The following PRKCZ variants were observed in gnomAD, a reference collection of about 807,000 sequenced individuals.
The protein encoded by PRKCZ is protein kinase C zeta type.
PRKCZ carries 33 observed loss-of-function variants against 79.5 expected under a neutral mutation model. The ratio of observed to expected loss-of-function variants is 0.41; its 90% CI spans 0.31 to 0.55. PRKCZ has a LOEUF of 0.55. Ranked by LOEUF, PRKCZ falls within the 20% of genes least tolerant of loss-of-function variation. The probability of loss-of-function intolerance (pLI) is 0.19; values close to 1 mark genes in which losing one functional copy is unlikely to be tolerated. For synonymous variants in PRKCZ, 342 were observed against 320.9 expected, an observed-to-expected ratio of 1.07 and a Z score of -0.70; for missense variants, 578 against 813.5, an observed-to-expected ratio of 0.71 and a Z score of 3.52.
intron 1 of PRKCZ, chr1:2,051,076 T>C (rs1338079980): frequency 5.6e-6 from 1 of 177,058 alleles, no homozygotes; most frequent in African/African-American, 2.4e-5. Flanking sequence ...AATCAGCGTT[T>C]CCTAAACGTT....
chr1:2,059,257 A>G (rs766477739), intron 3 of PRKCZ, among the ~76,000 whole-genome samples: 11 of 152,264 alleles, frequency 7.2e-5, no homozygotes, highest in Non-Finnish European at 1.2e-4. Flanking sequence ...CCATTTTTAT[A>G]TAGTTTAAAA....
chr1:2,129,381 TCACGGTCAGAAAG>T (rs1370961508), intron 4 of PRKCZ, among the ~76,000 whole-genome samples: 1 of 152,064 alleles, frequency 6.6e-6, no homozygotes, highest in African/African-American at 2.4e-5. Context: ...CTCAGAACTG[TCACGGTCAGAAAG>T]CACGGTCAGA....
chr1:2,152,042 G>T (rs969118528), intron 9 of PRKCZ, among the ~76,000 whole-genome samples: 9 of 151,960 alleles, frequency 5.9e-5, no homozygotes, highest in African/African-American at 2.2e-4. Context: ...GTAGAGACGG[G>T]GTTCCACTAT....
intron 4 of PRKCZ, among the ~76,000 whole-genome samples, chr1:2,085,563 C>G (rs998869885): frequency 3.9e-5 from 6 of 152,226 alleles, no homozygotes; most frequent in Non-Finnish European, 7.3e-5. Flanking sequence ...AGAGCCCATG[C>G]AGCGCCACGC....
At chr1:2,118,599 A>G (rs2102801159) in intron 4 of PRKCZ, among the ~76,000 whole-genome samples, 5 of 152,196 alleles carry the variant, frequency 3.3e-5, no homozygotes, top group Middle Eastern at 6.8e-3. Flanking sequence ...GGCCTCCCAA[A>G]GTGCTGGGAT....
rs1684985003 is a variant in PRKCZ at position 2,174,085 on chromosome 1, G to A, written c.1405+69G>A. On this transcript the variant is annotated intron_variant, in intron 14 of 17. Transcript: ENST00000378567. This position sits in a 1 kb window ranked among gnomAD's most constrained non-coding sequence, Gnocchi z 6.2. The stretch of plus-strand genomic sequence containing the variant: ...GTCTTCCTTCCTTTTCAAAGGTGCA[G>A]GTGGAGGGGTCCCGCGGGTGCCTGG... 1 of 1,500,948 alleles carries A rather than the reference G, an allele frequency of 6.7e-7. No individual in the cohort carries two copies. The highest frequency in any genetic ancestry group is 2.1e-5 in the Admixed American group (1 of 47,064). 93.0% of individuals were successfully genotyped at this position (1,500,948 alleles called of 1,614,324 possible). A position where few individuals can be genotyped will look rare whatever the true frequency, so the allele number is the denominator to read the frequency against.
chr1:2,151,552 G>A (rs1017395038), intron 9 of PRKCZ, among the ~76,000 whole-genome samples: 2 of 152,256 alleles, frequency 1.3e-5, no homozygotes, highest in African/African-American at 4.8e-5. Context: ...CCTGCACAAG[G>A]CCCCAGCTTT....
chr1:2,170,655 C>A (rs973938365), intron 11 of PRKCZ, among the ~76,000 whole-genome samples: 2 of 152,226 alleles, frequency 1.3e-5, no homozygotes, highest in African/African-American at 2.4e-5. Flanking sequence ...GTCCCCCGCC[C>A]CAGCCTCACA....
chr1:2,070,241 C>T (rs1255073388), intron 4 of PRKCZ, among the ~76,000 whole-genome samples: 1 of 152,198 alleles, frequency 6.6e-6, no homozygotes, highest in African/African-American at 2.4e-5. Context: ...CCAGCCTGCA[C>T]CCTGGGGAAA....
intron 1 of PRKCZ, among the ~76,000 whole-genome samples, chr1:2,052,793 G>A (rs534022056): frequency 2.0e-5 from 3 of 152,320 alleles, no homozygotes; most frequent in African/African-American, 7.2e-5. Flanking sequence ...CTGTCCCTGG[G>A]GTGAGACGCT....
At chr1:2,171,265 C>T (rs1425232392) in intron 11 of PRKCZ, among the ~76,000 whole-genome samples, 1 of 149,898 alleles carries the variant, frequency 6.7e-6, no homozygotes, top group Non-Finnish European at 1.5e-5. Flanking sequence ...ATGGCGTGAA[C>T]CTGTGGGCAG....
intron 4 of PRKCZ, among the ~76,000 whole-genome samples, chr1:2,067,219 C>T (rs1328307567): frequency 1.3e-5 from 2 of 152,194 alleles, no homozygotes; most frequent in Non-Finnish European, 2.9e-5. Context: ...GTCCCGTGTG[C>T]GTTGAGGGTG....
intron 4 of PRKCZ, among the ~76,000 whole-genome samples, chr1:2,085,089 T>C (rs1302466266): frequency 6.6e-6 from 1 of 151,724 alleles, no homozygotes; most frequent in African/African-American, 2.4e-5. Flanking sequence ...GACAAGGTGC[T>C]GTGTCCCTGC....
intron 5 of PRKCZ, chr1:2,141,164 A>C (rs1677229010): frequency 6.6e-6 from 1 of 151,870 alleles, no homozygotes; most frequent in African/African-American, 2.4e-5. Context: ...CTTTTGACAG[A>C]GCTTGGGCAG....
At chr1:2,060,083 G>A (rs191463997) in intron 4 of PRKCZ, among the ~76,000 whole-genome samples, 3 of 152,318 alleles carry the variant, frequency 2.0e-5, no homozygotes, top group African/African-American at 7.2e-5. Flanking sequence ...ACTGCATCCC[G>A]GAGACTGTTG....
At chr1:2,164,203 A>G (rs1181545970) in intron 10 of PRKCZ, among the ~76,000 whole-genome samples, 3 of 152,220 alleles carry the variant, frequency 2.0e-5, no homozygotes, top group African/African-American at 7.2e-5. Context: ...TGCTCCAGTG[A>G]TCAAGGGAGA....
At position 2,181,939 on chromosome 1, in the gene PRKCZ, A is replaced by G. The variant is rs61751922; in HGVS notation, c.1576-2644A>G. ...GGTGAGCCGTTCTGCCTAAGGGAAC[A>G]GCCCCGGCCCCTCCCTCCGGCTCCT... On this transcript the variant is annotated intron_variant, in intron 16 of 17. Coordinates refer to ENST00000378567, the MANE Select transcript of PRKCZ (RefSeq NM_002744.6). 419 of 443,538 alleles carry G rather than the reference A, an allele frequency of 9.4e-4. 2 individuals carry two copies. Among genetic ancestry groups the G allele is most frequent in the African/African-American group, 7.5e-3 (375 of 49,970 alleles). 27.5% of individuals were successfully genotyped at this position (443,538 alleles called of 1,614,324 possible).
intron 4 of PRKCZ, chr1:2,071,201 C>A: frequency 3.8e-6 from 1 of 261,934 alleles, no homozygotes. Flanking sequence ...GTTTCCTCCT[C>A]TGTAAAAGGG....
chr1:2,170,120 C>G (rs888758194), intron 11 of PRKCZ, among the ~76,000 whole-genome samples: 1 of 152,120 alleles, frequency 6.6e-6, no homozygotes, highest in African/African-American at 2.4e-5. Context: ...CTGTTAGTGG[C>G]ACAGCATGGC....
Sources: gnomAD v4.1 joint callset for allele counts (sites outside exome capture counted in the v4.1 genomes callset) on GRCh38, gnomAD v4.1.1 for gene constraint, Gnocchi (gnomAD v3.1) non-coding constraint, MANE v1.5 for transcripts, NCBI Gene and HGNC (gene_info 2026-07-23, HGNC 2026-07-21) for gene names.